Variants in THADA observed in about 807,000 individuals in gnomAD.
THADA encodes tRNA (32-2'-O)-methyltransferase regulator THADA.
Under a neutral mutation model 219.8 loss-of-function variants are expected in THADA, and 213 were observed. That is an observed-to-expected ratio of 0.97 (90% confidence interval 0.87 to 1.09). The LOEUF (loss-of-function observed/expected upper bound fraction) is 1.09, where lower values mean the gene tolerates loss of function less well. Among genes scored for constraint, THADA ranks in the 50% least tolerant of loss-of-function variants. The pLI is 0.00. For missense variants in THADA, 2,956 were observed against 2,311.3 expected (o/e 1.28, Z -5.72); for synonymous variants, 1,018 against 828.9 (o/e 1.23, Z -3.92).
At chr2:43,538,790 C>T (rs897454891) in intron 21 of THADA, among the ~76,000 whole-genome samples, 1 of 152,116 alleles carries the variant, frequency 6.6e-6, no homozygotes, top group Admixed American at 6.6e-5. Context: ...CTCTATGATC[C>T]TTCCAGCTCT....
Position 43,527,896 on chromosome 2 carries a change from G to A in THADA, c.3357C>T (p.Leu1119=), listed in dbSNP as rs981498894. 6.2e-7 allele frequency: 1 copy of A among 1,611,730 alleles called. No individual in the cohort carries two copies. The highest frequency in any genetic ancestry group is 8.5e-7 in the Non-Finnish European group (1 of 1,178,318). ...FELAYTGFVK[L]TEVLNRCPNV... is the part of the protein sequence containing the mutation. ...TGTTTTACCTGTTTAGTACTTCAGT[G>A]AGTTTCACAAAACCAGTATAAGCCA... The change falls in exon 22 of 38, where the codon CTC becomes CTT. Residue 1119 remains leucine (L), a synonymous_variant. Coordinates refer to ENST00000405975, the MANE Select transcript of THADA (RefSeq NM_022065.5).
At chr2:43,245,358 A>G (rs1669038709) in intron 36 of THADA, among the ~76,000 whole-genome samples, 1 of 151,712 alleles carries the variant, frequency 6.6e-6, no homozygotes, top group African/African-American at 2.4e-5. Flanking sequence ...ATTTTAGTAG[A>G]GACAGGGTTT....
At chr2:43,426,905 G>C (rs1678514442) in intron 28 of THADA, among the ~76,000 whole-genome samples, 1 of 152,156 alleles carries the variant, frequency 6.6e-6, no homozygotes, top group Non-Finnish European at 1.5e-5. Context: ...ATAGGCTTCT[G>C]AAAGGTTTCA....
chr2:43,418,678 G>T (rs1677314078), intron 28 of THADA, among the ~76,000 whole-genome samples: 1 of 152,026 alleles, frequency 6.6e-6, no homozygotes, highest in Non-Finnish European at 1.5e-5. Flanking sequence ...GTAGGTGAGT[G>T]ATAACCCCAG....
chr2:43,247,419 A>C lies in THADA; in HGVS notation c.5297-14537T>G, dbSNP rs567893772. Reference sequence around the variant, plus strand: ...GGCATGAAAAGTCCTACTGACTAAAATTGTTGAATAAAAATAAAATCACTA... The same window carrying C: ...GGCATGAAAAGTCCTACTGACTAAACTTGTTGAATAAAAATAAAATCACTA... On this transcript the variant is annotated intron_variant, in intron 36 of 37. Coordinates refer to ENST00000405975, the MANE Select transcript of THADA (RefSeq NM_022065.5). 2.0e-4 allele frequency among the ~76,000 whole-genome samples: 31 copies of C among 152,322 alleles called. No individual in the cohort carries two copies. The South Asian group carries it at 6.4e-3, about 32-fold the overall frequency.
intron 28 of THADA, among the ~76,000 whole-genome samples, chr2:43,427,072 T>C (rs1026587221): frequency 5.9e-5 from 9 of 152,182 alleles, no homozygotes; most frequent in Middle Eastern, 3.2e-3. Flanking sequence ...ATTTCATGAA[T>C]ACTCTATATT....
intron 36 of THADA, among the ~76,000 whole-genome samples, chr2:43,242,176 C>G (rs1195805923): frequency 6.6e-6 from 1 of 152,194 alleles, no homozygotes; most frequent in Non-Finnish European, 1.5e-5. Context: ...ATGGCTGAAC[C>G]CTGTGTCTTT....
At chr2:43,296,887 G>A (rs1033882254) in intron 31 of THADA, among the ~76,000 whole-genome samples, 2 of 151,238 alleles carry the variant, frequency 1.3e-5, no homozygotes, top group African/African-American at 4.9e-5. Flanking sequence ...GCCCCGCGGG[G>A]CCCGAGGGCA....
intron 4 of THADA, among the ~76,000 whole-genome samples, chr2:43,587,659 C>T (rs1302594256): frequency 6.6e-6 from 1 of 152,174 alleles, no homozygotes; most frequent in Non-Finnish European, 1.5e-5. Flanking sequence ...GTAACCCTCA[C>T]CCCATCCTTT....
rs1275267425 is a variant in THADA, at chr2:43,595,946, G to T, written c.-40C>A. ...GGAGCCAAACCTCGTGCACGTCGGC[G>T]TCTGAGAAGAGTCGCAGGCGCCTGG... On this transcript the variant is annotated 5_prime_UTR_variant, in exon 1 of 38. Coordinates refer to ENST00000405975, the MANE Select transcript of THADA (RefSeq NM_022065.5). 1 of 152,314 alleles carries T rather than the reference G, an allele frequency of 6.6e-6. No individual in the cohort carries two copies. The allele number at this position is 152,314 out of a possible 1,614,324, so 9.4% of individuals were successfully genotyped here. A position where few individuals can be genotyped will look rare whatever the true frequency, so the allele number is the denominator to read the frequency against.
In THADA at chr2:43,574,565, G is replaced by C; in HGVS notation, c.1500C>G (p.Thr500=). 1 of 1,613,954 alleles carries C rather than the reference G, an allele frequency of 6.2e-7. No homozygotes were observed. The highest frequency in any genetic ancestry group is 8.5e-7 in the Non-Finnish European group (1 of 1,179,898). ...AATGACTCTTATGATTTCTAAACAT[G>C]GTTTCCAAGAGGTCACTTGCATAAG... ...LVPYASDLLE[T]MFRNHKSHLK... Residue 500 remains threonine (T), a synonymous_variant, in exon 11 of 38, where the codon ACC becomes ACG. Coordinates refer to ENST00000405975, the MANE Select transcript of THADA (RefSeq NM_022065.5).
chr2:43,324,038 T>TC (rs1278725084), intron 30 of THADA, among the ~76,000 whole-genome samples: 1 of 152,140 alleles, frequency 6.6e-6, no homozygotes, highest in East Asian at 1.9e-4. Flanking sequence ...GACTGCCTGC[T>TC]CCCATGTGGC....
intron 26 of THADA, among the ~76,000 whole-genome samples, chr2:43,453,809 A>T (rs1682656426): frequency 6.6e-6 from 1 of 152,166 alleles, no homozygotes; most frequent in Non-Finnish European, 1.5e-5. Context: ...CCAGACCCAA[A>T]ATCGTTTAAA....
chr2:43,243,568 C>A (rs923542761), intron 36 of THADA, among the ~76,000 whole-genome samples: 1 of 152,084 alleles, frequency 6.6e-6, no homozygotes, highest in African/African-American at 2.4e-5. Flanking sequence ...CATCTCCTCA[C>A]CTCCTTTGTT....
chr2:43,456,468 C>T (rs555005172), intron 26 of THADA, among the ~76,000 whole-genome samples: 3 of 152,000 alleles, frequency 2.0e-5, no homozygotes, highest in Non-Finnish European at 2.9e-5. Context: ...AGGTCTAGAA[C>T]CAGCCTGACC....
intron 28 of THADA, among the ~76,000 whole-genome samples, chr2:43,403,675 CTA>C (rs1675153463): frequency 6.6e-6 from 1 of 152,112 alleles, no homozygotes; most frequent in East Asian, 1.9e-4. Flanking sequence ...TCAGGTGAGG[CTA>C]TACCATATGC....
chr2:43,542,187 G>C (rs968267561), intron 20 of THADA, among the ~76,000 whole-genome samples: 6 of 152,030 alleles, frequency 3.9e-5, no homozygotes, highest in Admixed American at 2.6e-4. Context: ...GGTACTTATA[G>C]GGTAACCTCA....
In THADA at chr2:43,584,037, T is replaced by TAAAAAAAAAAAAAAAAAAAAAA. The variant is rs536050936; in HGVS notation, c.534-2131_534-2110dup. 3.0e-5 allele frequency among the ~76,000 whole-genome samples: 2 copies of TAAAAAAAAAAAAAAAAAAAAAA among 65,606 alleles called. 1 individual carries two copies. The highest frequency in any genetic ancestry group is 5.9e-5 in the Non-Finnish European group (2 of 33,830). 43.0% of individuals were successfully genotyped at this position (65,606 alleles called of 152,430 possible). A position where few individuals can be genotyped will look rare whatever the true frequency, so the allele number is the denominator to read the frequency against. On this transcript the variant is annotated intron_variant, in intron 7 of 37. Transcript: ENST00000405975. ...TGACAGAGCCAGAGCTTGTCTCAAT[T>TAAAAAAAAAAAAAAAAAAAAAA]AAAAAAAAAAAAAAAAAAAAAAGGA... is the stretch of plus-strand genomic sequence containing the variant.
At chr2:43,581,540 T>C (rs1362278934) in intron 8 of THADA, among the ~76,000 whole-genome samples, 2 of 120,314 alleles carry the variant, frequency 1.7e-5, no homozygotes, top group Non-Finnish European at 3.3e-5. Context: ...TGAGATTCGG[T>C]CTCAAAAAAA....
Sources: allele counts gnomAD v4.1 joint callset (sites outside exome capture counted in the v4.1 genomes callset), GRCh38; gene constraint gnomAD v4.1.1; transcripts MANE v1.5; gene names NCBI Gene and HGNC (gene_info 2026-07-23, HGNC 2026-07-21).